Variants in RARB observed in about 807,000 individuals in gnomAD.
RARB encodes retinoic acid receptor beta.
A neutral mutation model predicts 51.9 loss-of-function variants in RARB; 17 were observed. That is an observed-to-expected ratio of 0.33 (90% CI 0.22 to 0.49). RARB has a LOEUF of 0.49. Among genes scored for constraint, RARB ranks in the 20% least tolerant of loss-of-function variants. The pLI, the probability that RARB is intolerant of heterozygous loss-of-function variation, is 0.99. For synonymous variants in RARB, 215 were observed against 195.4 expected, an observed-to-expected ratio of 1.10 and a Z score of -0.84; for missense variants, 369 against 550.8, an observed-to-expected ratio of 0.67 and a Z score of 3.30.
chr3:25,289,810 A>G (rs748270099), intron 5 of RARB, among the ~76,000 whole-genome samples: 1 of 152,190 alleles, frequency 6.6e-6, no homozygotes, highest in Non-Finnish European at 1.5e-5. Context: ...TAAGTCATAG[A>G]TAATTTTTGG....
intron 5 of RARB, among the ~76,000 whole-genome samples, chr3:25,179,044 T>C (rs923906077): frequency 6.6e-6 from 1 of 152,208 alleles, no homozygotes; most frequent in African/African-American, 2.4e-5. Flanking sequence ...CTTTTCCCCT[T>C]CTTTTTTAAT....
intron 5 of RARB, among the ~76,000 whole-genome samples, chr3:25,299,946 C>G (rs1704001728): frequency 6.6e-6 from 1 of 152,194 alleles, no homozygotes; most frequent in Admixed American, 6.5e-5. Context: ...GTCTAATTGC[C>G]AGGCAGTATA....
chr3:25,205,375 G>T (rs747443429), intron 5 of RARB, among the ~76,000 whole-genome samples: 1 of 152,000 alleles, frequency 6.6e-6, no homozygotes, highest in African/African-American at 2.4e-5. Context: ...GCACTTCCCG[G>T]GTGAGGCAAT....
At chr3:25,397,996 A>T (rs1707162351) in intron 5 of RARB, among the ~76,000 whole-genome samples, 1 of 152,118 alleles carries the variant, frequency 6.6e-6, no homozygotes. Context: ...ATAGTCTTTA[A>T]AATTTAGGCT....
At chr3:25,210,908 T>C (rs115816668) in intron 5 of RARB, among the ~76,000 whole-genome samples, 199 of 152,218 alleles carry the variant, frequency 1.3e-3, no homozygotes, top group African/African-American at 4.7e-3. Flanking sequence ...CCACTCAATA[T>C]TATTTTTTAA....
intron 2 of RARB, among the ~76,000 whole-genome samples, chr3:25,044,898 C>A (rs912570534): frequency 6.6e-6 from 1 of 152,146 alleles, no homozygotes; most frequent in Non-Finnish European, 1.5e-5. Context: ...TATTAATCTC[C>A]ATTGTTCTCA....
chr3:25,072,813 A>G (rs1698795944), intron 3 of RARB, among the ~76,000 whole-genome samples: 1 of 151,572 alleles, frequency 6.6e-6, no homozygotes, highest in African/African-American at 2.4e-5. Flanking sequence ...GGTTCACGCC[A>G]TTCTCCTGCC....
chr3:25,354,883 T>C (rs1464891520), intron 5 of RARB, among the ~76,000 whole-genome samples: 2 of 18 alleles, frequency 0.11, no homozygotes, highest in Non-Finnish European at 0.5. Context: ...TTGCAAAGTC[T>C]TTTTTTTTTT....
intron 2 of RARB, among the ~76,000 whole-genome samples, chr3:24,917,420 A>T (rs1214008385): frequency 6.6e-6 from 1 of 152,258 alleles, no homozygotes; most frequent in Non-Finnish European, 1.5e-5. Context: ...TGATGAACTC[A>T]TATCCAGAAT....
chr3:24,855,142 G>T (rs1477442668), intron 1 of RARB, among the ~76,000 whole-genome samples: 1 of 152,224 alleles, frequency 6.6e-6, no homozygotes, highest in African/African-American at 2.4e-5. Context: ...GGGAAGATAG[G>T]AAAGAAGGTC....
intron 2 of RARB, among the ~76,000 whole-genome samples, chr3:24,955,429 C>T (rs887873230): frequency 2.6e-5 from 4 of 152,152 alleles, no homozygotes; most frequent in African/African-American, 9.7e-5. Flanking sequence ...TAACTGTTCC[C>T]ATTTAGGGCT....
At chr3:25,340,465 G>C (rs10510562) in intron 5 of RARB, among the ~76,000 whole-genome samples, 35,686 of 152,072 alleles carry the variant, frequency 0.23, 5,183 homozygotes, top group Admixed American at 0.36. Flanking sequence ...CTTTTGTAGA[G>C]AGAGGAAATA....
intron 5 of RARB, among the ~76,000 whole-genome samples, chr3:25,318,215 T>G (rs963950811): frequency 6.6e-6 from 1 of 152,188 alleles, no homozygotes. Flanking sequence ...AGCACTAAAT[T>G]CCATTCAGAG....
chr3:24,848,844 G>A (rs1234131745), intron 1 of RARB, among the ~76,000 whole-genome samples: 1 of 152,216 alleles, frequency 6.6e-6, no homozygotes, highest in Non-Finnish European at 1.5e-5. Flanking sequence ...CATAAACTGT[G>A]TTTATATCTG....
chr3:25,219,397 C>T (rs1030758056), intron 5 of RARB, among the ~76,000 whole-genome samples: 70 of 152,270 alleles, frequency 4.6e-4, no homozygotes, highest in African/African-American at 1.4e-3. Flanking sequence ...AGAATAACTA[C>T]GTAATGGCTC....
intron 5 of RARB, among the ~76,000 whole-genome samples, chr3:25,187,874 G>A (rs1239984578): frequency 6.6e-6 from 1 of 152,018 alleles, no homozygotes; most frequent in Non-Finnish European, 1.5e-5. Flanking sequence ...AAATGTTTTA[G>A]TGTGTTTGAG....
chr3:25,275,814 A>C (rs548218878), intron 5 of RARB, among the ~76,000 whole-genome samples: 34 of 152,212 alleles, frequency 2.2e-4, no homozygotes, highest in African/African-American at 7.9e-4. Flanking sequence ...TAGGAGATAT[A>C]CCTAATGTAA....
At chr3:24,933,368 A>C (rs1210195365) in intron 2 of RARB, among the ~76,000 whole-genome samples, 1 of 152,090 alleles carries the variant, frequency 6.6e-6, no homozygotes, top group Non-Finnish European at 1.5e-5. Context: ...TGTTTTTCTA[A>C]GCCAATTTAA....
At chr3:24,989,819 G>A (rs1314820613) in intron 2 of RARB, among the ~76,000 whole-genome samples, 2 of 56,900 alleles carry the variant, frequency 3.5e-5, no homozygotes, top group African/African-American at 1.6e-4. Flanking sequence ...TTGAGACGGA[G>A]TCTCGCTCTG....
Sources: gnomAD v4.1 joint callset for allele counts (sites outside exome capture counted in the v4.1 genomes callset) on GRCh38, gnomAD v4.1.1 for gene constraint, MANE v1.5 for transcripts, NCBI Gene and HGNC (gene_info 2026-07-23, HGNC 2026-07-21) for gene names.